The following SPOCK3 variants were observed in gnomAD, a reference collection of about 807,000 sequenced individuals.
The protein encoded by SPOCK3 is testican-3.
Under a neutral mutation model 56.6 loss-of-function variants are expected in SPOCK3, and 30 were observed. The ratio of observed to expected loss-of-function variants is 0.53; its 90% CI spans 0.40 to 0.72. SPOCK3 has a LOEUF of 0.72. SPOCK3 is among the 30% of genes least tolerant of loss of function. The pLI is 0.00. For missense variants in SPOCK3, 527 were observed against 530.0 expected, an observed-to-expected ratio of 0.99 and a Z score of 0.06; for synonymous variants, 196 against 183.3, an observed-to-expected ratio of 1.07 and a Z score of -0.56.
chr4:166,840,951 T>TGTATTTTTC (rs1217018343), intron 6 of SPOCK3, among the ~76,000 whole-genome samples: 1 of 151,394 alleles, frequency 6.6e-6, no homozygotes, highest in African/African-American at 2.4e-5. Context: ...GCTAATTTTT[T>TGTATTTTTC]GTATTTTTCG....
intron 3 of SPOCK3, among the ~76,000 whole-genome samples, chr4:167,018,612 C>T (rs1750872531): frequency 6.6e-6 from 1 of 152,080 alleles, no homozygotes; most frequent in Admixed American, 6.6e-5. Context: ...GGAGATTCTC[C>T]TTCAGAGGAT....
chr4:166,811,923 A>T (rs972735317), intron 6 of SPOCK3, among the ~76,000 whole-genome samples: 2 of 151,858 alleles, frequency 1.3e-5, no homozygotes, highest in African/African-American at 4.8e-5. Flanking sequence ...AGATTGGCTA[A>T]TAAGGATGTT....
At chr4:167,020,800 CA>C (rs151215053) in intron 3 of SPOCK3, among the ~76,000 whole-genome samples, 3 of 151,372 alleles carry the variant, frequency 2.0e-5, no homozygotes, top group Admixed American at 1.3e-4. Context: ...CTTCCCATTA[CA>C]AAAAAAAGAA....
intron 7 of SPOCK3, among the ~76,000 whole-genome samples, chr4:166,788,028 A>G (rs943155757): frequency 1.6e-4 from 24 of 152,152 alleles, no homozygotes; most frequent in African/African-American, 5.6e-4. Flanking sequence ...CTAAAAATAC[A>G]AAAGGTTAGC....
intron 5 of SPOCK3, among the ~76,000 whole-genome samples, chr4:166,909,524 A>T (rs1292244329): frequency 6.6e-6 from 1 of 150,918 alleles, no homozygotes; most frequent in Non-Finnish European, 1.5e-5. Context: ...TTGTAGTATT[A>T]AAAAAAAACC....
intron 2 of SPOCK3, among the ~76,000 whole-genome samples, chr4:167,225,007 C>T (rs1244524918): frequency 6.6e-6 from 1 of 152,114 alleles, no homozygotes; most frequent in Non-Finnish European, 1.5e-5. Context: ...TTTAAATAAT[C>T]AATAACTATT....
intron 7 of SPOCK3, among the ~76,000 whole-genome samples, chr4:166,772,680 T>G (rs1739085949): frequency 6.6e-6 from 1 of 152,212 alleles, no homozygotes; most frequent in Non-Finnish European, 1.5e-5. Context: ...TGAAATGAAC[T>G]TTTAAATAAT....
chr4:166,882,304 A>G (rs781710665), intron 6 of SPOCK3, among the ~76,000 whole-genome samples: 3 of 152,216 alleles, frequency 2.0e-5, no homozygotes, highest in Non-Finnish European at 4.4e-5. Flanking sequence ...GAGTTCACAA[A>G]TATCAACCTC....
chr4:166,783,125 G>A (rs888020192), intron 7 of SPOCK3, among the ~76,000 whole-genome samples: 6 of 152,156 alleles, frequency 3.9e-5, no homozygotes, highest in South Asian at 2.1e-4. Context: ...TTGGGAGGCC[G>A]AGGTGAGTGC....
chr4:167,114,723 G>A (rs1352099311), intron 2 of SPOCK3, among the ~76,000 whole-genome samples: 1 of 152,090 alleles, frequency 6.6e-6, no homozygotes, highest in Non-Finnish European at 1.5e-5. Flanking sequence ...GAGTAATGCA[G>A]AACAAGAAAC....
At chr4:167,139,130 C>T (rs1763334863) in intron 2 of SPOCK3, among the ~76,000 whole-genome samples, 1 of 151,876 alleles carries the variant, frequency 6.6e-6, no homozygotes, top group Non-Finnish European at 1.5e-5. Flanking sequence ...ATTCTACAAC[C>T]ATGTTTCATC....
intron 2 of SPOCK3, among the ~76,000 whole-genome samples, chr4:167,218,892 C>T (rs903504165): frequency 6.6e-6 from 1 of 152,088 alleles, no homozygotes; most frequent in Non-Finnish European, 1.5e-5. Context: ...ACGAATGCTC[C>T]TTTGCCTAGA....
At chr4:166,847,216 C>CT (rs1748146666) in intron 6 of SPOCK3, among the ~76,000 whole-genome samples, 1 of 152,006 alleles carries the variant, frequency 6.6e-6, no homozygotes, top group Non-Finnish European at 1.5e-5. Context: ...AAGCTAAGTG[C>CT]TTTTCATTTA....
chr4:167,228,493 T>C (rs958360436), intron 2 of SPOCK3, among the ~76,000 whole-genome samples: 1 of 152,142 alleles, frequency 6.6e-6, no homozygotes, highest in Non-Finnish European at 1.5e-5. Flanking sequence ...AGTCTGATAA[T>C]GTGATACCAG....
intron 6 of SPOCK3, among the ~76,000 whole-genome samples, chr4:166,865,766 CAAGGAAAT>C (rs1731761487): frequency 6.6e-6 from 1 of 152,014 alleles, no homozygotes; most frequent in South Asian, 2.1e-4. Context: ...AACCACAGCT[CAAGGAAAT>C]AAGAGAGGAC....
At chr4:167,018,066 T>C (rs1314088129) in intron 3 of SPOCK3, among the ~76,000 whole-genome samples, 1 of 152,074 alleles carries the variant, frequency 6.6e-6, no homozygotes, top group African/African-American at 2.4e-5. Flanking sequence ...GTAAAAATAT[T>C]ATATTTTTTC....
chr4:167,156,069 C>A (rs1171972331), intron 2 of SPOCK3, among the ~76,000 whole-genome samples: 2 of 151,996 alleles, frequency 1.3e-5, no homozygotes, highest in Non-Finnish European at 2.9e-5. Flanking sequence ...TAAACTTTAA[C>A]AATATGCTTG....
At chr4:166,884,870 A>AACACACACACACACAC (rs34910996) in intron 6 of SPOCK3, among the ~76,000 whole-genome samples, 7 of 147,570 alleles carry the variant, frequency 4.7e-5, no homozygotes, top group African/African-American at 1.7e-4. Context: ...AAACTGGTTA[A>AACACACACACACACAC]ACACACACAC....
At chr4:167,116,787 GTATA>G (rs1249048148) in intron 2 of SPOCK3, among the ~76,000 whole-genome samples, 1 of 130,310 alleles carries the variant, frequency 7.7e-6, no homozygotes, top group Admixed American at 8.0e-5. Context: ...ATATACATAT[GTATA>G]TATACACATA....
Sources: allele counts gnomAD v4.1 joint callset (sites outside exome capture counted in the v4.1 genomes callset), GRCh38; gene constraint gnomAD v4.1.1; transcripts MANE v1.5; gene names NCBI Gene and HGNC (gene_info 2026-07-23, HGNC 2026-07-21).